The following ATP8A2 variants were observed in gnomAD, a reference collection of about 807,000 sequenced individuals.
The protein encoded by ATP8A2 is phospholipid-transporting ATPase IB.
ATP8A2 carries 100 observed loss-of-function variants against 165.6 expected under a neutral mutation model. That is an observed-to-expected ratio of 0.60 (90% CI 0.51 to 0.71). The LOEUF (loss-of-function observed/expected upper bound fraction) is 0.71. Among genes scored for constraint, ATP8A2 ranks in the 30% least tolerant of loss-of-function variants. The probability of loss-of-function intolerance (pLI) is 0.00; values close to 1 mark genes in which losing one functional copy is unlikely to be tolerated. For synonymous variants in ATP8A2, 543 were observed against 548.8 expected (o/e 0.99, Z 0.15); for missense variants, 1,227 against 1,479.5 (o/e 0.83, Z 2.80).
chr13:25,607,844 G>C (rs763256459), intron 24 of ATP8A2, among the ~76,000 whole-genome samples: 5 of 152,256 alleles, frequency 3.3e-5, no homozygotes, highest in Middle Eastern at 3.4e-3. Context: ...AAATCATGCA[G>C]AGGTTTATTA....
At position 25,919,132 on chromosome 13, in the gene ATP8A2, G is replaced by T. The variant is rs138239666; in HGVS notation, c.3184-42443G>T. Among the ~76,000 whole-genome samples, 58 of 152,310 alleles carry T rather than the reference G, an allele frequency of 3.8e-4. 1 individual carries two copies. In the South Asian group the frequency reaches 5.0e-3, roughly 13 times the overall value. On this transcript the variant is annotated intron_variant, in intron 33 of 36. Transcript: ENST00000381655. ...AAGGAATGTATATTTTTCCAGATAT[G>T]AAGCTACCCATCCTTTAATATGTTC...
rs781093158 is a variant in ATP8A2, at chr13:25,529,989, G to A, written c.222-10G>A. On this transcript the variant is annotated splice_polypyrimidine_tract_variant and intron_variant, in intron 2 of 36. Coordinates refer to ENST00000381655, the MANE Select transcript of ATP8A2 (RefSeq NM_016529.6). ...ATAACTGATAGTATTATTTTTCTTT[G>A]CACTTACAGTACGGCCAAGTACAGC... The A allele has an allele frequency of 6.5e-7, 1 of 1,540,884 alleles. No homozygotes were observed. Among genetic ancestry groups the A allele is most frequent in the Non-Finnish European group, 8.9e-7 (1 of 1,117,578 alleles).
intron 25 of ATP8A2, among the ~76,000 whole-genome samples, chr13:25,721,790 T>C (rs1437243313): frequency 1.3e-5 from 2 of 152,266 alleles, no homozygotes; most frequent in Admixed American, 1.3e-4. Context: ...TGTTGTATGA[T>C]TGAATAATAT....
At chr13:25,737,876 G>C (rs549007894) in intron 25 of ATP8A2, among the ~76,000 whole-genome samples, 2 of 152,248 alleles carry the variant, frequency 1.3e-5, no homozygotes, top group East Asian at 3.9e-4. Flanking sequence ...AGCAGAGACG[G>C]GGTTTCACCG....
At chr13:25,735,362 C>T (rs1248176981) in intron 25 of ATP8A2, among the ~76,000 whole-genome samples, 4 of 151,964 alleles carry the variant, frequency 2.6e-5, no homozygotes, top group Non-Finnish European at 5.9e-5. Flanking sequence ...TGGGCTTGTG[C>T]GATTGTTCCA....
intron 1 of ATP8A2, among the ~76,000 whole-genome samples, chr13:25,446,871 G>C (rs914707132): frequency 6.6e-6 from 1 of 151,216 alleles, no homozygotes; most frequent in Non-Finnish European, 1.5e-5. Flanking sequence ...GTTTTGTTTT[G>C]TTGAGGCAAG....
chr13:25,496,977 T>C (rs1431887490), intron 2 of ATP8A2, among the ~76,000 whole-genome samples: 1 of 152,194 alleles, frequency 6.6e-6, no homozygotes, highest in Non-Finnish European at 1.5e-5. Context: ...GGCACAGTGC[T>C]GAAGTGTTGA....
At chr13:25,917,655 TAAC>T (rs1368411701) in intron 33 of ATP8A2, among the ~76,000 whole-genome samples, 1 of 152,238 alleles carries the variant, frequency 6.6e-6, no homozygotes, top group Admixed American at 6.5e-5. Context: ...CTGGTGGCTA[TAAC>T]AATTACAATT....
chr13:25,603,745 T>C (rs1258081553), intron 24 of ATP8A2, among the ~76,000 whole-genome samples: 3 of 152,066 alleles, frequency 2.0e-5, no homozygotes, highest in Non-Finnish European at 4.4e-5. Context: ...CCCGAGGGGT[T>C]TGGATCTGAG....
intron 24 of ATP8A2, among the ~76,000 whole-genome samples, chr13:25,679,659 T>A (rs2042442577): frequency 6.6e-6 from 1 of 152,180 alleles, no homozygotes; most frequent in African/African-American, 2.4e-5. Flanking sequence ...TAGCACACAG[T>A]AAAGATTTGA....
At chr13:25,401,605 A>G (rs996778169) in intron 1 of ATP8A2, among the ~76,000 whole-genome samples, 1 of 152,188 alleles carries the variant, frequency 6.6e-6, no homozygotes, top group African/African-American at 2.4e-5. Context: ...AGTGACAGAA[A>G]TAAGTGCTTG....
chr13:25,832,288 G>A (rs906748551), intron 28 of ATP8A2, among the ~76,000 whole-genome samples: 1 of 152,104 alleles, frequency 6.6e-6, no homozygotes, highest in Non-Finnish European at 1.5e-5. Context: ...AAGGACCAAT[G>A]CTGCTAGGAT....
intron 24 of ATP8A2, among the ~76,000 whole-genome samples, chr13:25,664,966 T>G (rs1053969987): frequency 2.0e-5 from 3 of 151,808 alleles, no homozygotes; most frequent in East Asian, 1.9e-4. Flanking sequence ...TGTTATAGAA[T>G]TAAGAAAATA....
chr13:25,781,779 C>A (rs1236688906), intron 27 of ATP8A2, among the ~76,000 whole-genome samples: 1 of 152,116 alleles, frequency 6.6e-6, no homozygotes, highest in East Asian at 1.9e-4. Context: ...ACAGGCGTGA[C>A]CCCTTTGCCC....
intron 1 of ATP8A2, among the ~76,000 whole-genome samples, chr13:25,406,080 A>G (rs921595138): frequency 1.3e-5 from 2 of 152,230 alleles, no homozygotes; most frequent in Admixed American, 6.5e-5. Context: ...TAGGGGCAAT[A>G]TGACCTGTTC....
At chr13:25,526,329 G>A (rs564746239) in intron 2 of ATP8A2, among the ~76,000 whole-genome samples, 55 of 152,192 alleles carry the variant, frequency 3.6e-4, no homozygotes, top group African/African-American at 1.3e-3. Flanking sequence ...GTTCAGGGAA[G>A]TCATGGTTCC....
intron 1 of ATP8A2, among the ~76,000 whole-genome samples, chr13:25,399,397 C>CTTTTCTTCTT (rs2033543912): frequency 1.4e-5 from 1 of 74,058 alleles, no homozygotes; most frequent in Non-Finnish European, 2.4e-5. Context: ...AGTGGTTCTT[C>CTTTTCTTCTT]TTTTTTTTTT....
At chr13:25,987,268 A>C (rs1956295206) in intron 35 of ATP8A2, among the ~76,000 whole-genome samples, 1 of 152,212 alleles carries the variant, frequency 6.6e-6, no homozygotes, top group African/African-American at 2.4e-5. Context: ...AATTTAGCCA[A>C]ATTAGTCAGG....
At chr13:25,627,712 T>A (rs1332429962) in intron 24 of ATP8A2, among the ~76,000 whole-genome samples, 1 of 152,200 alleles carries the variant, frequency 6.6e-6, no homozygotes, top group Non-Finnish European at 1.5e-5. Flanking sequence ...CATTTTGTTA[T>A]GGCAGCCTGA....
Sources: gnomAD v4.1 joint callset for allele counts (sites outside exome capture counted in the v4.1 genomes callset) on GRCh38, gnomAD v4.1.1 for gene constraint, MANE v1.5 for transcripts, NCBI Gene and HGNC (gene_info 2026-07-23, HGNC 2026-07-21) for gene names.